Variants in RAB38 observed in about 807,000 individuals in gnomAD.
The protein encoded by RAB38 is ras-related protein Rab-38.
RAB38 carries 15 observed loss-of-function variants against 18.4 expected under a neutral mutation model. That is an observed-to-expected ratio of 0.82 (90% CI 0.55 to 1.26). RAB38 has a LOEUF of 1.26. Ranked by LOEUF, RAB38 falls within the 50% of genes most tolerant of loss-of-function variation. RAB38 has a pLI of 0.00. For missense variants in RAB38, 294 were observed against 267.4 expected, an observed-to-expected ratio of 1.10 and a Z score of -0.69; for synonymous variants, 101 against 104.4, an observed-to-expected ratio of 0.97 and a Z score of 0.20.
chr11:87,873,567 T>G, the RAB38 span, among the ~76,000 whole-genome samples: 1 of 151,672 alleles, frequency 6.6e-6, no homozygotes, highest in African/African-American at 2.4e-5. Context: ...CTATGTTATG[T>G]TCTGGGAGTT....
chr11:87,877,600 A>C, the RAB38 span, among the ~76,000 whole-genome samples: 2 of 151,284 alleles, frequency 1.3e-5, no homozygotes. Context: ...TTCATATTCA[A>C]CCTCCACCAT....
the RAB38 span, among the ~76,000 whole-genome samples, chr11:88,024,377 A>T: frequency 6.6e-6 from 1 of 152,172 alleles, no homozygotes; most frequent in South Asian, 2.1e-4. Flanking sequence ...TTCAAAAGTC[A>T]GGCTATAGCA....
chr11:87,839,295 T>A, the RAB38 span, among the ~76,000 whole-genome samples: 1 of 152,190 alleles, frequency 6.6e-6, no homozygotes, highest in Non-Finnish European at 1.5e-5. Flanking sequence ...GCTTTGAAGT[T>A]GAAAACATAC....
the RAB38 span, among the ~76,000 whole-genome samples, chr11:87,863,038 A>G: frequency 6.6e-6 from 1 of 151,886 alleles, no homozygotes; most frequent in Non-Finnish European, 1.5e-5. Context: ...TATTTAATAT[A>G]CTTCTCTAGT....
At chr11:88,043,095 G>A in the RAB38 span, among the ~76,000 whole-genome samples, 1 of 152,072 alleles carries the variant, frequency 6.6e-6, no homozygotes, top group Non-Finnish European at 1.5e-5. Context: ...GAGACACACT[G>A]ACTCTCTAAA....
At chr11:88,071,339 G>C in the RAB38 span, among the ~76,000 whole-genome samples, 1 of 152,002 alleles carries the variant, frequency 6.6e-6, no homozygotes, top group African/African-American at 2.4e-5. Context: ...TATGATGTAC[G>C]GTGGAGGAAT....
chr11:88,123,164 C>G (rs572421507), intron 2 of RAB38, among the ~76,000 whole-genome samples: 28 of 152,152 alleles, frequency 1.8e-4, no homozygotes, highest in African/African-American at 6.8e-4. Flanking sequence ...CCTGACTCCC[C>G]GAGGCTGAGC....
At chr11:87,890,958 A>G in the RAB38 span, among the ~76,000 whole-genome samples, 3 of 151,824 alleles carry the variant, frequency 2.0e-5, no homozygotes, top group African/African-American at 7.2e-5. Flanking sequence ...AGAGCATTAA[A>G]CCAAGAGTAA....
At chr11:87,839,686 CT>C in the RAB38 span, among the ~76,000 whole-genome samples, 1 of 152,112 alleles carries the variant, frequency 6.6e-6, no homozygotes, top group Non-Finnish European at 1.5e-5. Context: ...TGAGAAATAG[CT>C]GAAGAAACTC....
chr11:87,953,930 T>C, the RAB38 span, among the ~76,000 whole-genome samples: 1 of 152,110 alleles, frequency 6.6e-6, no homozygotes, highest in Non-Finnish European at 1.5e-5. Context: ...TATTTTTGAA[T>C]TTCCTATTCC....
chr11:88,018,567 G>C, the RAB38 span, among the ~76,000 whole-genome samples: 10 of 152,024 alleles, frequency 6.6e-5, no homozygotes, highest in Admixed American at 3.3e-4. Context: ...TCTGTCCCTA[G>C]CAGAAAGCAG....
the RAB38 span, among the ~76,000 whole-genome samples, chr11:87,924,955 T>C: frequency 6.6e-6 from 1 of 152,026 alleles, no homozygotes; most frequent in Non-Finnish European, 1.5e-5. Flanking sequence ...ATATTTGCAT[T>C]TCTTTTCTCC....
chr11:88,129,250 A>G (rs1464589144), intron 2 of RAB38, among the ~76,000 whole-genome samples: 1 of 152,188 alleles, frequency 6.6e-6, no homozygotes, highest in African/African-American at 2.4e-5. Context: ...GTTGAAACAT[A>G]AATGACTTGA....
the RAB38 span, among the ~76,000 whole-genome samples, chr11:88,008,778 A>C: frequency 2.6e-5 from 4 of 152,164 alleles, no homozygotes; most frequent in Non-Finnish European, 5.9e-5. Context: ...GATTCACGCC[A>C]TTCTCCAGCC....
chr11:88,148,445 A>T (rs1002395235), intron 2 of RAB38, among the ~76,000 whole-genome samples: 1 of 152,144 alleles, frequency 6.6e-6, no homozygotes, highest in African/African-American at 2.4e-5. Flanking sequence ...TTAAGGTCTC[A>T]TTATGTTCCC....
At chr11:88,161,711 A>G (rs577878595) in intron 1 of RAB38, among the ~76,000 whole-genome samples, 1 of 152,172 alleles carries the variant, frequency 6.6e-6, no homozygotes, top group South Asian at 2.1e-4. Flanking sequence ...CTCAACTCCA[A>G]CTTCCAGTAA....
chr11:87,950,340 A>G, the RAB38 span, among the ~76,000 whole-genome samples: 2 of 152,102 alleles, frequency 1.3e-5, no homozygotes, highest in African/African-American at 2.4e-5. Context: ...ACTCTATCCA[A>G]TTTGCCAGTC....
intron 2 of RAB38, among the ~76,000 whole-genome samples, chr11:88,121,042 T>C (rs144979586): frequency 6.6e-6 from 1 of 152,312 alleles, no homozygotes; most frequent in East Asian, 1.9e-4. Flanking sequence ...TATTATAGAA[T>C]GCGCCTCACC....
the RAB38 span, among the ~76,000 whole-genome samples, chr11:87,971,922 GT>G: frequency 0.6 from 80,460 of 134,974 alleles, 21,975 homozygotes; most frequent in Admixed American, 0.67. Flanking sequence ...GTGTAAAAGC[GT>G]TTTTTTTTTT....
Sources: allele counts gnomAD v4.1 joint callset (sites outside exome capture counted in the v4.1 genomes callset), GRCh38; gene constraint gnomAD v4.1.1; transcripts MANE v1.5; gene names NCBI Gene and HGNC (gene_info 2026-07-23, HGNC 2026-07-21).